Variants in RORA observed in about 807,000 individuals in gnomAD.
RORA encodes nuclear receptor ROR-alpha.
A neutral mutation model predicts 69.5 loss-of-function variants in RORA; 7 were observed. The observed-to-expected ratio is 0.10, with a 90% CI of 0.06 to 0.19. The LOEUF (loss-of-function observed/expected upper bound fraction) is 0.19. Ranked by LOEUF, RORA falls within the 10% of genes least tolerant of loss-of-function variation. RORA has a pLI of 1.00. For missense variants in RORA, 457 were observed against 663.0 expected (o/e 0.69, Z 3.41); for synonymous variants, 261 against 240.8 (o/e 1.08, Z -0.78).
At chr15:61,222,367 GA>G (rs562107183) in intron 1 of RORA, among the ~76,000 whole-genome samples, 7 of 152,158 alleles carry the variant, frequency 4.6e-5, no homozygotes, top group African/African-American at 1.2e-4. Flanking sequence ...AATATGTTAG[GA>G]AAAAAAAATT....
intron 1 of RORA, among the ~76,000 whole-genome samples, chr15:60,832,201 C>T (rs991099421): frequency 3.3e-5 from 5 of 152,142 alleles, no homozygotes; most frequent in African/African-American, 4.8e-5. Flanking sequence ...TGAGATGTAA[C>T]TACAAATGAA....
chr15:61,025,183 G>A (rs1446518248), intron 1 of RORA, among the ~76,000 whole-genome samples: 1 of 152,132 alleles, frequency 6.6e-6, no homozygotes, highest in Non-Finnish European at 1.5e-5. Context: ...GCCCCTGAAA[G>A]TTCTAGCCAT....
chr15:60,943,185 G>A (rs1271301337), intron 1 of RORA, among the ~76,000 whole-genome samples: 1 of 152,204 alleles, frequency 6.6e-6, no homozygotes, highest in East Asian at 1.9e-4. Flanking sequence ...TAGAAAGAAA[G>A]GTGACTTTGC....
At chr15:60,755,431 G>A (rs973659437) in intron 1 of RORA, among the ~76,000 whole-genome samples, 1 of 151,940 alleles carries the variant, frequency 6.6e-6, no homozygotes, top group Non-Finnish European at 1.5e-5. Flanking sequence ...TGTGAATAGT[G>A]CCGCAATAAA....
At chr15:60,791,876 T>C (rs1278506332) in intron 1 of RORA, among the ~76,000 whole-genome samples, 1 of 152,184 alleles carries the variant, frequency 6.6e-6, no homozygotes, top group Admixed American at 6.5e-5. Context: ...AACAATCATT[T>C]GTTTTGTCTA....
At chr15:60,586,404 A>T (rs1178200881) in intron 2 of RORA, among the ~76,000 whole-genome samples, 1 of 152,088 alleles carries the variant, frequency 6.6e-6, no homozygotes, top group Non-Finnish European at 1.5e-5. Context: ...GCAGAACCAC[A>T]CTTACAGCAA....
intron 1 of RORA, among the ~76,000 whole-genome samples, chr15:61,191,125 T>C (rs570258643): frequency 3.9e-5 from 6 of 152,234 alleles, no homozygotes; most frequent in South Asian, 2.1e-4. Context: ...AGATTTGTAT[T>C]GAAAGGCTGG....
At chr15:60,914,573 T>C (rs1891815352) in intron 1 of RORA, among the ~76,000 whole-genome samples, 1 of 152,200 alleles carries the variant, frequency 6.6e-6, no homozygotes, top group South Asian at 2.1e-4. Context: ...CAGTAAATAT[T>C]TGTGATGCAA....
intron 1 of RORA, among the ~76,000 whole-genome samples, chr15:60,932,917 C>A (rs1195310491): frequency 1.3e-5 from 2 of 152,168 alleles, no homozygotes; most frequent in Non-Finnish European, 2.9e-5. Context: ...TCTCTCTTGC[C>A]CCCTCAATCC....
chr15:60,785,438 A>G (rs981843316), intron 1 of RORA, among the ~76,000 whole-genome samples: 2 of 152,254 alleles, frequency 1.3e-5, no homozygotes, highest in African/African-American at 2.4e-5. Context: ...AATTGCTAGT[A>G]AGTGAGGCAT....
chr15:60,652,635 C>A (rs1035764509), intron 2 of RORA, among the ~76,000 whole-genome samples: 5 of 152,192 alleles, frequency 3.3e-5, no homozygotes, highest in Non-Finnish European at 5.9e-5. Flanking sequence ...AAATTGGCAT[C>A]ATATTTTTTC....
intron 1 of RORA, among the ~76,000 whole-genome samples, chr15:60,780,072 G>C (rs1355624270): frequency 6.6e-6 from 1 of 152,174 alleles, no homozygotes; most frequent in Non-Finnish European, 1.5e-5. Flanking sequence ...GTTAGGTGGG[G>C]AGAGGGTGGG....
At chr15:60,561,485 A>G (rs1017088900) in intron 2 of RORA, among the ~76,000 whole-genome samples, 1 of 152,186 alleles carries the variant, frequency 6.6e-6, no homozygotes, top group Non-Finnish European at 1.5e-5. Context: ...TAAACTCTTT[A>G]ACTCTGAAAC....
At chr15:61,069,658 C>A (rs2078312891) in intron 1 of RORA, among the ~76,000 whole-genome samples, 1 of 151,722 alleles carries the variant, frequency 6.6e-6, no homozygotes, top group Admixed American at 6.6e-5. Flanking sequence ...GTGAAAAAGT[C>A]CCCAAGCAAA....
At chr15:60,627,204 G>T (rs1433853600) in intron 2 of RORA, 3 of 1,592,424 alleles carry the variant, frequency 1.9e-6, no homozygotes, top group African/African-American at 1.3e-5. Flanking sequence ...ACAGTGATCA[G>T]CAGAGCAAAG....
intron 1 of RORA, among the ~76,000 whole-genome samples, chr15:60,998,337 T>TA (rs572384813): frequency 9.9e-5 from 15 of 151,584 alleles, no homozygotes; most frequent in African/African-American, 2.2e-4. Context: ...CTGACTTTTT[T>TA]AAAAAAAGCA....
chr15:61,182,469 A>G (rs1292262621), intron 1 of RORA, among the ~76,000 whole-genome samples: 1 of 152,164 alleles, frequency 6.6e-6, no homozygotes, highest in Non-Finnish European at 1.5e-5. Flanking sequence ...TGCTACCATC[A>G]CCCTGGGAAC....
Position 60,580,663 on chromosome 15 carries a change from G to T in RORA, c.197-48812C>A, listed in dbSNP as rs545287360. Among the ~76,000 whole-genome samples, 11 of 152,308 alleles carry T rather than the reference G, an allele frequency of 7.2e-5. No homozygotes were observed. The South Asian group carries it at 2.1e-3, about 29-fold the overall frequency. On this transcript the variant is annotated intron_variant, in intron 2 of 10. Coordinates refer to ENST00000335670, the MANE Select transcript of RORA (RefSeq NM_134261.3). ...TGGTCATTTATGAAATGAAGACGCT[G>T]ATCTGCAAAAATCACTATGCATTCA... is the stretch of plus-strand genomic sequence containing the variant.
chr15:60,584,950 TTTTTA>T (rs1438513195), intron 2 of RORA, among the ~76,000 whole-genome samples: 2 of 152,176 alleles, frequency 1.3e-5, no homozygotes, highest in Non-Finnish European at 2.9e-5. Flanking sequence ...TTTTCCTTGC[TTTTTA>T]TTTTTTTTCT....
Sources: gnomAD v4.1 joint callset for allele counts (sites outside exome capture counted in the v4.1 genomes callset) on GRCh38, gnomAD v4.1.1 for gene constraint, MANE v1.5 for transcripts, NCBI Gene and HGNC (gene_info 2026-07-23, HGNC 2026-07-21) for gene names.